The following RBFOX1 variants were observed in gnomAD, a reference collection of about 807,000 sequenced individuals.
The protein encoded by RBFOX1 is RNA binding protein fox-1 homolog 1.
In RBFOX1, 8 loss-of-function variants were observed where a neutral mutation model predicts 57.7. The ratio of observed to expected loss-of-function variants is 0.14; its 90% CI spans 0.08 to 0.25. RBFOX1 has a LOEUF of 0.25. RBFOX1 is among the 10% of genes least tolerant of loss of function. The pLI is 1.00. For synonymous variants in RBFOX1, 326 were observed against 222.4 expected (o/e 1.47, Z -4.15); for missense variants, 611 against 548.5 (o/e 1.11, Z -1.14).
At chr16:7,412,412 C>CAA (rs376200574) in intron 4 of RBFOX1, among the ~76,000 whole-genome samples, 48,232 of 131,814 alleles carry the variant, frequency 0.37, 9,356 homozygotes, top group Middle Eastern at 0.47. Context: ...GACATTCTGC[C>CAA]AAAAAAAAAA....
intron 3 of RBFOX1, among the ~76,000 whole-genome samples, chr16:5,703,684 A>G (rs1288258678): frequency 1.3e-5 from 2 of 152,210 alleles, no homozygotes; most frequent in Non-Finnish European, 2.9e-5. Flanking sequence ...CAGTTTTCTC[A>G]TCCGTTAAAT....
At chr16:7,085,747 G>T (rs140407353) in intron 4 of RBFOX1, among the ~76,000 whole-genome samples, 1,631 of 152,206 alleles carry the variant, frequency 0.011, 15 homozygotes, top group Non-Finnish European at 0.016. Flanking sequence ...ATGAATTTTC[G>T]GTTTTTTCTT....
Position 6,302,823 on chromosome 16 carries a change from A to T in RBFOX1, c.-126-14172A>T, listed in dbSNP as rs28712011. ...GACTAAACTTATGCCCCTTTTAGTGATTCATTTAGAAAAATATATTTTTAA... is the reference window on the plus strand; with the variant it reads ...GACTAAACTTATGCCCCTTTTAGTGTTTCATTTAGAAAAATATATTTTTAA... On this transcript the variant is annotated intron_variant, in intron 1 of 15. Transcript: ENST00000550418. Among the ~76,000 whole-genome samples the T allele has an allele frequency of 7.1e-3, 1,076 of 152,336 alleles. 19 individuals are homozygous for T. Among genetic ancestry groups the T allele is most frequent in the African/African-American group, 0.024 (998 of 41,588 alleles).
chr16:6,038,625 A>G (rs1215425929), intron 1 of RBFOX1: 1 of 148,320 alleles, frequency 6.7e-6, no homozygotes, highest in Non-Finnish European at 1.5e-5. Context: ...GGAGATATAT[A>G]TATATATGTG....
chr16:6,874,853 C>A (rs1163081917), intron 3 of RBFOX1, among the ~76,000 whole-genome samples: 1 of 152,092 alleles, frequency 6.6e-6, no homozygotes, highest in African/African-American at 2.4e-5. Flanking sequence ...TCAGAAATGA[C>A]ACCCAATGAA....
chr16:7,591,353 G>A (rs2094435572), intron 7 of RBFOX1, among the ~76,000 whole-genome samples: 1 of 151,966 alleles, frequency 6.6e-6, no homozygotes. Context: ...CATCTAGGAT[G>A]AAAAATCAGT....
intron 2 of RBFOX1, among the ~76,000 whole-genome samples, chr16:5,583,843 A>G (rs1004753885): frequency 3.9e-5 from 6 of 152,196 alleles, no homozygotes; most frequent in Admixed American, 3.3e-4. Flanking sequence ...AAACAGCAGC[A>G]TCTTCAATGC....
intron 4 of RBFOX1, among the ~76,000 whole-genome samples, chr16:7,168,308 G>C (rs573422737): frequency 3.7e-4 from 57 of 152,234 alleles, no homozygotes; most frequent in African/African-American, 1.3e-3. Context: ...ACCAAGGTCT[G>C]TTTTGCAGCT....
chr16:5,391,074 C>T (rs1596808960), intron 1 of RBFOX1, among the ~76,000 whole-genome samples: 3 of 152,236 alleles, frequency 2.0e-5, no homozygotes, highest in African/African-American at 2.4e-5. Flanking sequence ...TTCACTCCAT[C>T]TCTAGTGAGA....
At chr16:6,098,173 C>A (rs773465235) in intron 1 of RBFOX1, among the ~76,000 whole-genome samples, 29 of 152,198 alleles carry the variant, frequency 1.9e-4, no homozygotes, top group African/African-American at 6.8e-4. Flanking sequence ...GCAAACTTTA[C>A]CTCATTAATC....
intron 3 of RBFOX1, among the ~76,000 whole-genome samples, chr16:6,768,929 A>T (rs896659711): frequency 2.6e-5 from 4 of 152,100 alleles, no homozygotes; most frequent in African/African-American, 9.6e-5. Context: ...GGGTTTCACC[A>T]TGTTGGCCAG....
intron 2 of RBFOX1, among the ~76,000 whole-genome samples, chr16:6,462,017 T>A (rs1486635027): frequency 6.6e-6 from 1 of 152,154 alleles, no homozygotes; most frequent in African/African-American, 2.4e-5. Flanking sequence ...AAACAAAAAT[T>A]AAGAAAAAGG....
intron 3 of RBFOX1, among the ~76,000 whole-genome samples, chr16:5,675,309 A>T (rs1368252019): frequency 2.0e-5 from 3 of 152,188 alleles, no homozygotes; most frequent in African/African-American, 7.2e-5. Context: ...GAAGGGATGA[A>T]CCAGCCCAGG....
chr16:6,191,271 T>C (rs1024269048), intron 1 of RBFOX1, among the ~76,000 whole-genome samples: 3 of 152,084 alleles, frequency 2.0e-5, no homozygotes, highest in Non-Finnish European at 4.4e-5. Context: ...TTCTGAATGT[T>C]GTCTTCTCCC....
In RBFOX1 at chr16:7,712,042, T is replaced by C. The variant is rs1262707213; in HGVS notation, c.*1297T>C. ...AGAAGGATGCAAAAAAAGAAAAAAG[T>C]ACATCCACCCTCTTAATCCCAAAAG... On this transcript the variant is annotated 3_prime_UTR_variant, in exon 16 of 16. Coordinates refer to ENST00000550418, the MANE Select transcript of RBFOX1 (RefSeq NM_018723.4). The C allele has an allele frequency of 1.3e-5, 2 of 151,956 alleles. No homozygotes were observed. The highest frequency in any genetic ancestry group is 4.9e-5 in the African/African-American group (2 of 40,886). 9.4% of individuals were successfully genotyped at this position (151,956 alleles called of 1,614,324 possible).
At chr16:6,384,388 T>A (rs1179099009) in intron 2 of RBFOX1, among the ~76,000 whole-genome samples, 2 of 152,214 alleles carry the variant, frequency 1.3e-5, no homozygotes, top group Non-Finnish European at 2.9e-5. Context: ...TGCATTTCAA[T>A]TCAGCTAGAT....
At chr16:6,672,166 C>A (rs888732682) in intron 3 of RBFOX1, among the ~76,000 whole-genome samples, 1 of 152,092 alleles carries the variant, frequency 6.6e-6, no homozygotes, top group Non-Finnish European at 1.5e-5. Flanking sequence ...AGATACTTAT[C>A]TTTTATTTAG....
At chr16:6,135,549 A>G (rs1567535622) in intron 1 of RBFOX1, among the ~76,000 whole-genome samples, 4 of 152,118 alleles carry the variant, frequency 2.6e-5, no homozygotes. Context: ...GGGGGTATTC[A>G]TTGGATATTT....
chr16:7,573,751 C>G lies in RBFOX1; in HGVS notation c.271-6026C>G, dbSNP rs530480282. On this transcript the variant is annotated intron_variant, in intron 5 of 15. Coordinates refer to ENST00000550418, the MANE Select transcript of RBFOX1 (RefSeq NM_018723.4). ...TCGGGAGGTTGAGGCAGGAAAATTG[C>G]TTGAACCCGGGAGGCAGAGGTTGCA... Among the ~76,000 whole-genome samples the G allele has an allele frequency of 5.9e-5, 9 of 152,018 alleles. No homozygotes were observed. The East Asian group carries it at 1.8e-3, about 30-fold the overall frequency.
Sources: allele counts gnomAD v4.1 joint callset (sites outside exome capture counted in the v4.1 genomes callset), GRCh38; gene constraint gnomAD v4.1.1; transcripts MANE v1.5; gene names NCBI Gene and HGNC (gene_info 2026-07-23, HGNC 2026-07-21).